ENAH: variants seen among roughly 807,000 people sequenced by gnomAD.
The protein encoded by ENAH is ENAH actin regulator.
A neutral mutation model predicts 78.7 loss-of-function variants in ENAH; 23 were observed. The ratio of observed to expected loss-of-function variants is 0.29; its 90% CI spans 0.21 to 0.41. The LOEUF (loss-of-function observed/expected upper bound fraction) is 0.41. ENAH is among the 10% of genes least tolerant of loss of function. ENAH has a pLI of 1.00. For synonymous variants in ENAH, 226 were observed against 241.0 expected, an observed-to-expected ratio of 0.94 and a Z score of 0.58; for missense variants, 544 against 691.0, an observed-to-expected ratio of 0.79 and a Z score of 2.39.
chr1:225,580,482 A>G (rs1471120017), intron 1 of ENAH, among the ~76,000 whole-genome samples: 1 of 152,142 alleles, frequency 6.6e-6, no homozygotes, highest in African/African-American at 2.4e-5. Flanking sequence ...GAACCACCTA[A>G]GCCAAACCCA....
intron 7 of ENAH, among the ~76,000 whole-genome samples, chr1:225,514,081 G>A (rs2096397898): frequency 6.6e-6 from 1 of 152,196 alleles, no homozygotes. Context: ...GTTAATGGGT[G>A]AATGTAGGTG....
intron 1 of ENAH, among the ~76,000 whole-genome samples, chr1:225,604,010 CTTA>C (rs1034935715): frequency 1.6e-4 from 24 of 152,302 alleles, no homozygotes; most frequent in African/African-American, 5.8e-4. Context: ...CATTCTAAAT[CTTA>C]TTTATTCAAA....
At chr1:225,571,255 C>T (rs1368310035) in intron 1 of ENAH, among the ~76,000 whole-genome samples, 1 of 152,034 alleles carries the variant, frequency 6.6e-6, no homozygotes, top group Non-Finnish European at 1.5e-5. Context: ...CACCTGTGGT[C>T]CCAGCTACTC....
At position 225,525,292 on chromosome 1, in the gene ENAH, C is replaced by T. The variant is rs182873845; in HGVS notation, c.434+5262G>A. Among the ~76,000 whole-genome samples, 360 of 152,318 alleles carry T rather than the reference C, an allele frequency of 2.4e-3. 1 individual carries two copies. The highest frequency in any genetic ancestry group is 8.4e-3 in the African/African-American group (351 of 41,566). On this transcript the variant is annotated intron_variant, in intron 4 of 13. Transcript: ENST00000366843. ...TAAACTCATACCACCACTTTGGATA[C>T]ACCAATATTCACATATCACATAATT...
Position 225,604,774 on chromosome 1 carries a change from C to T in ENAH, c.6-37360G>A, listed in dbSNP as rs1283485588. On this transcript the variant is annotated intron_variant, in intron 1 of 13. Transcript: ENST00000366843. ...CGCCATTGCACTCCAGCCTGGGCAACACAGCAAGACCCTGTCTCAAACAAA... is the reference window on the plus strand; with the variant it reads ...CGCCATTGCACTCCAGCCTGGGCAATACAGCAAGACCCTGTCTCAAACAAA... Among the ~76,000 whole-genome samples, 3 of 152,100 alleles carry T rather than the reference C, an allele frequency of 2.0e-5. No homozygotes were observed. The East Asian group carries it at 5.8e-4, about 29-fold the overall frequency.
intron 10 of ENAH, among the ~76,000 whole-genome samples, chr1:225,508,737 C>T (rs1183831995): frequency 6.6e-6 from 1 of 152,228 alleles, no homozygotes; most frequent in Non-Finnish European, 1.5e-5. Context: ...TGTCACTGGC[C>T]TCACTACATG....
intron 1 of ENAH, among the ~76,000 whole-genome samples, chr1:225,586,899 C>T (rs996899499): frequency 1.5e-5 from 2 of 132,150 alleles, no homozygotes; most frequent in Non-Finnish European, 3.1e-5. Flanking sequence ...TGGCACGTGC[C>T]TGTAGACCCA....
At chr1:225,568,809 T>A (rs1269785781) in intron 1 of ENAH, among the ~76,000 whole-genome samples, 1 of 152,200 alleles carries the variant, frequency 6.6e-6, no homozygotes, top group Non-Finnish European at 1.5e-5. Context: ...ACTGAAGGCC[T>A]AAAAAGGTCA....
At position 225,512,757 on chromosome 1, in the gene ENAH, T is replaced by A. The variant is rs775303149; in HGVS notation, c.1365-43A>T. ...CCGATTTTTAAAAATATTATCTGAT[T>A]CAGTATAAAAACCACTTCTCTACGA... On this transcript the variant is annotated intron_variant, in intron 8 of 13. Transcript: ENST00000366843. The A allele has an allele frequency of 3.7e-6, 6 of 1,610,724 alleles. No individual in the cohort carries two copies. In the South Asian group the frequency reaches 5.5e-5, roughly 15 times the overall value.
chr1:225,504,326 A>G (rs2096308685), intron 11 of ENAH, among the ~76,000 whole-genome samples: 1 of 152,100 alleles, frequency 6.6e-6, no homozygotes, highest in Admixed American at 6.6e-5. Flanking sequence ...TTATTTTTTT[A>G]TGATGAGAGC....
intron 1 of ENAH, among the ~76,000 whole-genome samples, chr1:225,595,846 A>G (rs1032773569): frequency 6.6e-6 from 1 of 152,274 alleles, no homozygotes; most frequent in African/African-American, 2.4e-5. Flanking sequence ...AACATTCAAA[A>G]TGAGTAATCC....
chr1:225,568,745 C>T (rs2096747061), intron 1 of ENAH, among the ~76,000 whole-genome samples: 1 of 152,212 alleles, frequency 6.6e-6, no homozygotes, highest in Admixed American at 6.5e-5. Context: ...TAATGAAATG[C>T]AACTTTGCAG....
intron 3 of ENAH, among the ~76,000 whole-genome samples, chr1:225,532,961 T>A (rs530066696): frequency 1.3e-5 from 2 of 152,182 alleles, no homozygotes; most frequent in South Asian, 4.1e-4. Context: ...TAATGGATTT[T>A]TGGGCTTTTT....
chr1:225,617,773 T>C (rs868294095), intron 1 of ENAH, among the ~76,000 whole-genome samples: 1 of 152,104 alleles, frequency 6.6e-6, no homozygotes, highest in Non-Finnish European at 1.5e-5. Context: ...CAACACACAA[T>C]ATGAATAAAT....
chr1:225,500,117 G>A (rs150957353), intron 12 of ENAH, among the ~76,000 whole-genome samples: 272 of 152,202 alleles, frequency 1.8e-3, no homozygotes, highest in African/African-American at 6.0e-3. Flanking sequence ...TTCAGTACAC[G>A]GCAAAACAAG....
At chr1:225,498,318 A>T in intron 13 of ENAH, 29 bp downstream of exon 13, 1 of 1,537,902 alleles carries the variant, frequency 6.5e-7, no homozygotes, top group East Asian at 2.3e-5. Context: ...ATTGTTTTAT[A>T]GGAATAGTAA....
intron 2 of ENAH, among the ~76,000 whole-genome samples, chr1:225,562,142 CA>C (rs2096709306): frequency 6.6e-6 from 1 of 152,006 alleles, no homozygotes; most frequent in Non-Finnish European, 1.5e-5. Context: ...AGGCTCTTCT[CA>C]AACTCCTGAG....
At chr1:225,583,433 CAAAAAA>C (rs67324652) in intron 1 of ENAH, among the ~76,000 whole-genome samples, 2 of 100,560 alleles carry the variant, frequency 2.0e-5, no homozygotes, top group Non-Finnish European at 2.0e-5. Context: ...GACCCTGTAT[CAAAAAA>C]AAAAAAAAAA....
intron 12 of ENAH, among the ~76,000 whole-genome samples, chr1:225,500,753 C>G (rs2096277465): frequency 6.6e-6 from 1 of 152,190 alleles, no homozygotes; most frequent in Non-Finnish European, 1.5e-5. Flanking sequence ...ACACCTTATG[C>G]TGTTATCACT....
Sources: allele counts gnomAD v4.1 joint callset (sites outside exome capture counted in the v4.1 genomes callset), GRCh38; gene constraint gnomAD v4.1.1; transcripts MANE v1.5; gene names NCBI Gene and HGNC (gene_info 2026-07-23, HGNC 2026-07-21).